KCTD7: variants seen among roughly 807,000 people sequenced by gnomAD.
KCTD7 encodes the protein potassium channel tetramerization domain containing 7, also known as BTB/POZ domain-containing protein KCTD7.
A neutral mutation model predicts 27.0 loss-of-function variants in KCTD7; 15 were observed. That is an observed-to-expected ratio of 0.56 (90% CI 0.37 to 0.86). The LOEUF is 0.86. Among genes scored for constraint, KCTD7 ranks in the 40% least tolerant of loss-of-function variants. The probability of loss-of-function intolerance (pLI) is 0.00; values close to 1 mark genes in which losing one functional copy is unlikely to be tolerated. For missense variants in KCTD7, 299 were observed against 398.9 expected, an observed-to-expected ratio of 0.75 and a Z score of 2.13; for synonymous variants, 159 against 162.7, an observed-to-expected ratio of 0.98 and a Z score of 0.17.
At chr7:66,631,568 CA>C (rs147951741) in intron 1 of KCTD7, among the ~76,000 whole-genome samples, 11,657 of 100,132 alleles carry the variant, frequency 0.12, 627 homozygotes, top group East Asian at 0.41. Context: ...GATTCCGTCT[CA>C]AAAAAAAAAA....
rs68184930 is a variant in KCTD7 at position 66,635,011 on chromosome 7, C to CTT, written c.314+1586_314+1587dup. 7.5e-5 allele frequency among the ~76,000 whole-genome samples: 8 copies of CTT among 107,380 alleles called. No homozygotes were observed. In the East Asian group the frequency reaches 7.7e-4, roughly 10 times the overall value. The allele number at this position is 107,380 out of a possible 152,430, so 70.4% of individuals were successfully genotyped here. On this transcript the variant is annotated intron_variant, in intron 2 of 3. Transcript: ENST00000639828. ...AGCCAGGGCAACAGAGTGAGACTGT[C>CTT]TTTTTTTTTTTTTTTTTTTTGAGTC...
intron 2 of KCTD7, among the ~76,000 whole-genome samples, chr7:66,634,447 C>G (rs1786540003): frequency 1.3e-5 from 2 of 151,856 alleles, no homozygotes; most frequent in Non-Finnish European, 2.9e-5. Context: ...CATCATAGCT[C>G]ACTGCATCCT....
chr7:66,629,904 T>G (rs1260174928), intron 1 of KCTD7, among the ~76,000 whole-genome samples: 1 of 152,172 alleles, frequency 6.6e-6, no homozygotes, highest in Non-Finnish European at 1.5e-5. Context: ...TGTGCTCTGG[T>G]GCACAGGGGC....
At chr7:66,638,631 T>C (rs978040042) in intron 3 of KCTD7, 200 bp downstream of exon 3, 7 of 771,910 alleles carry the variant, frequency 9.1e-6, no homozygotes, top group Non-Finnish European at 1.4e-5. Flanking sequence ...GTTAGCAAAT[T>C]GTATTTCAGA....
rs567770167 is a variant in KCTD7 at position 66,630,463 on chromosome 7, G to A, written c.144+1255G>A. On this transcript the variant is annotated intron_variant, in intron 1 of 3. Coordinates refer to ENST00000639828, the MANE Select transcript of KCTD7 (RefSeq NM_153033.5). ...GAGGAGGGAAGGTGAAGCATTACTG[G>A]ACACCGAAGATGGCTTCTAGGAGGC... Among the ~76,000 whole-genome samples, 11 of 152,232 alleles carry A rather than the reference G, an allele frequency of 7.2e-5. No homozygotes were observed. The East Asian group carries it at 1.2e-3, about 16-fold the overall frequency.
At position 66,640,150 on chromosome 7, in the gene KCTD7, G is replaced by C; in HGVS notation, c.*918G>C. The C allele has an allele frequency of 7.4e-7, 1 of 1,359,088 alleles. No individual in the cohort carries two copies. The allele number at this position is 1,359,088 out of a possible 1,614,324, so 84.2% of individuals were successfully genotyped here. A position where few individuals can be genotyped will look rare whatever the true frequency, so the allele number is the denominator to read the frequency against. ...AGTTTGTGGTGAACCTCTTTGGAAG[G>C]GGACCCCCTCTCTTTAAACCCTGTT... is the stretch of plus-strand genomic sequence containing the variant. On this transcript the variant is annotated 3_prime_UTR_variant, in exon 4 of 4. Transcript: ENST00000639828.
chr7:66,641,568 C>T lies in KCTD7; in HGVS notation c.*2336C>T. On this transcript the variant is annotated 3_prime_UTR_variant, in exon 4 of 4. Coordinates refer to ENST00000639828, the MANE Select transcript of KCTD7 (RefSeq NM_153033.5). ...GTAAGAACACCGTTCCTCTCTCTCG[C>T]TGGAGAAATCCCTGTTTCTCTGACT... 1.0e-6 allele frequency: 1 copy of T among 985,440 alleles called. No homozygotes were observed. Among genetic ancestry groups the T allele is most frequent in the South Asian group, 4.7e-5 (1 of 21,288 alleles). 61.0% of individuals were successfully genotyped at this position (985,440 alleles called of 1,614,324 possible). A position where few individuals can be genotyped will look rare whatever the true frequency, so the allele number is the denominator to read the frequency against.
Position 66,629,045 on chromosome 7 carries a change from C to G in KCTD7, c.-20C>G. On this transcript the variant is annotated 5_prime_UTR_variant, in exon 1 of 4. Transcript: ENST00000639828. ...GCCTCCGCCCGCCCGAAGCCGCGCC[C>G]ACTGCCCAGAGCCAGAGGGATGGTG... 1 of 1,496,968 alleles carries G rather than the reference C, an allele frequency of 6.7e-7. No individual in the cohort carries two copies. Among genetic ancestry groups the G allele is most frequent in the Non-Finnish European group, 8.9e-7 (1 of 1,121,264 alleles). 92.7% of individuals were successfully genotyped at this position (1,496,968 alleles called of 1,614,324 possible).
rs79736939 is a variant in KCTD7, at chr7:66,639,940, C to T, written c.*708C>T. The T allele has an allele frequency of 0.034, 42,192 of 1,247,418 alleles. 844 individuals carry two copies. The highest frequency in any genetic ancestry group is 0.038 in the Admixed American group (970 of 25,422). 77.3% of individuals were successfully genotyped at this position (1,247,418 alleles called of 1,614,324 possible). ...TAGGGCCGCGGCTTCTCTTATCTTCCACCACCTTCCTTGCTTGCAGGGTTA... is the reference window on the plus strand; with the variant it reads ...TAGGGCCGCGGCTTCTCTTATCTTCTACCACCTTCCTTGCTTGCAGGGTTA... On this transcript the variant is annotated 3_prime_UTR_variant, in exon 4 of 4. Coordinates refer to ENST00000639828, the MANE Select transcript of KCTD7 (RefSeq NM_153033.5).
In KCTD7 at chr7:66,641,808, C is replaced by T. The variant is rs1300906039; in HGVS notation, c.*2576C>T. 1 of 985,318 alleles carries T rather than the reference C, an allele frequency of 1.0e-6. No homozygotes were observed. Among genetic ancestry groups the T allele is most frequent in the African/African-American group, 1.7e-5 (1 of 57,224 alleles). The allele number at this position is 985,318 out of a possible 1,614,324, so 61.0% of individuals were successfully genotyped here. On this transcript the variant is annotated 3_prime_UTR_variant, in exon 4 of 4. Coordinates refer to ENST00000639828, the MANE Select transcript of KCTD7 (RefSeq NM_153033.5). ...AGATGTGGTGGATTGTGGTAACGGC[C>T]TCCAGATAAAGGGGTTATCCCTGTG... is the stretch of plus-strand genomic sequence containing the variant.
chr7:66,633,854 G>A (rs547264319), intron 2 of KCTD7, among the ~76,000 whole-genome samples: 2 of 151,622 alleles, frequency 1.3e-5, no homozygotes, highest in South Asian at 2.1e-4. Context: ...TGGGTGTGGT[G>A]GCTCATACCT....
chr7:66,635,126 C>T (rs536294119), intron 2 of KCTD7, among the ~76,000 whole-genome samples: 1 of 151,920 alleles, frequency 6.6e-6, no homozygotes, highest in South Asian at 2.1e-4. Context: ...AATTTTGCTG[C>T]CTCAGTTTCC....
chr7:66,640,387 A>C lies in KCTD7; in HGVS notation c.*1155A>C. On this transcript the variant is annotated 3_prime_UTR_variant, in exon 4 of 4. Transcript: ENST00000639828. ...TATATTTTGGTTTACTTACTCCTCT[A>C]TTTCAGAAATTGAAAAAGATCCCCA... 1 of 1,537,084 alleles carries C rather than the reference A, an allele frequency of 6.5e-7. No homozygotes were observed. Among genetic ancestry groups the C allele is most frequent in the Non-Finnish European group, 8.7e-7 (1 of 1,146,822 alleles).
rs1010904208 is a variant in KCTD7 at position 66,639,772 on chromosome 7, G to A, written c.*540G>A. 5 of 1,250,434 alleles carry A rather than the reference G, an allele frequency of 4.0e-6. No homozygotes were observed. The highest frequency in any genetic ancestry group is 6.1e-4 in the Middle Eastern group (2 of 3,264). The allele number at this position is 1,250,434 out of a possible 1,614,324, so 77.5% of individuals were successfully genotyped here. A position where few individuals can be genotyped will look rare whatever the true frequency, so the allele number is the denominator to read the frequency against. Reference sequence around the variant, plus strand: ...CTGCACCCCTTCTCCTCCAAGAATAGTTGCCCACATTCCCAAAATGTGGAA... The same window carrying A: ...CTGCACCCCTTCTCCTCCAAGAATAATTGCCCACATTCCCAAAATGTGGAA... On this transcript the variant is annotated 3_prime_UTR_variant, in exon 4 of 4. Coordinates refer to ENST00000639828, the MANE Select transcript of KCTD7 (RefSeq NM_153033.5).
Position 66,640,286 on chromosome 7 carries a change from C to T in KCTD7, c.*1054C>T. 2.0e-6 allele frequency: 3 copies of T among 1,518,672 alleles called. No individual in the cohort carries two copies. The highest frequency in any genetic ancestry group is 2.6e-6 in the Non-Finnish European group (3 of 1,137,390). The allele number at this position is 1,518,672 out of a possible 1,614,324, so 94.1% of individuals were successfully genotyped here. ...TAGGAGCCGTAGGAAGACAAAACTT[C>T]CCTTTTGTTTTACTCCTCACTCCTC... On this transcript the variant is annotated 3_prime_UTR_variant, in exon 4 of 4. Transcript: ENST00000639828.
chr7:66,643,067 T>G (rs1055661755), downstream of KCTD7: 4 of 985,362 alleles, frequency 4.1e-6, no homozygotes, highest in Non-Finnish European at 4.8e-6. Context: ...TGTGCCTTTC[T>G]TTTTTAGAGA....
chr7:66,642,993 C>T lies in KCTD7; in HGVS notation c.*3761C>T. The T allele has an allele frequency of 2.0e-6, 2 of 985,378 alleles. No individual in the cohort carries two copies. Among genetic ancestry groups the T allele is most frequent in the Non-Finnish European group, 2.4e-6 (2 of 829,908 alleles). The allele number at this position is 985,378 out of a possible 1,614,324, so 61.0% of individuals were successfully genotyped here. On this transcript the variant is annotated 3_prime_UTR_variant, in exon 4 of 4. Transcript: ENST00000639828. ...GAGTTCATGTACCTGTCTGTGAGTGCTTTGGTGTATTGAGCCTCAGTACAC... is the reference window on the plus strand; with the variant it reads ...GAGTTCATGTACCTGTCTGTGAGTGTTTTGGTGTATTGAGCCTCAGTACAC...
chr7:66,630,428 A>G (rs1786419165), intron 1 of KCTD7, among the ~76,000 whole-genome samples: 1 of 152,182 alleles, frequency 6.6e-6, no homozygotes, highest in Non-Finnish European at 1.5e-5. Context: ...CTCTACAAAT[A>G]AAAAATAAAG....
rs1048604873 is a variant in KCTD7 at position 66,642,486 on chromosome 7, G to A, written c.*3254G>A. On this transcript the variant is annotated 3_prime_UTR_variant, in exon 4 of 4. Coordinates refer to ENST00000639828, the MANE Select transcript of KCTD7 (RefSeq NM_153033.5). ...ACACAGGCGGTGTGAGCATCCATGT[G>A]TGGTCTTGGTCTAAACCAGCTCTTG... 3.2e-5 allele frequency: 32 copies of A among 985,344 alleles called. No homozygotes were observed. The highest frequency in any genetic ancestry group is 1.1e-4 in the East Asian group (1 of 8,826). 61.0% of individuals were successfully genotyped at this position (985,344 alleles called of 1,614,324 possible). A position where few individuals can be genotyped will look rare whatever the true frequency, so the allele number is the denominator to read the frequency against.
Sources: allele counts gnomAD v4.1 joint callset (sites outside exome capture counted in the v4.1 genomes callset), GRCh38; gene constraint gnomAD v4.1.1; transcripts MANE v1.5; gene names NCBI Gene and HGNC (gene_info 2026-07-23, HGNC 2026-07-21).